The following OTUD7A variants were observed in gnomAD, a reference collection of about 807,000 sequenced individuals.
The protein encoded by OTUD7A is OTU deubiquitinase 7A.
Under a neutral mutation model 65.7 loss-of-function variants are expected in OTUD7A, and 12 were observed. That is an observed-to-expected ratio of 0.18 (90% CI 0.12 to 0.30). OTUD7A has a LOEUF of 0.30. Among genes scored for constraint, OTUD7A ranks in the 10% least tolerant of loss-of-function variants. OTUD7A has a pLI of 1.00. For synonymous variants in OTUD7A, 641 were observed against 586.3 expected (o/e 1.09, Z -1.35); for missense variants, 1,148 against 1,304.8 (o/e 0.88, Z 1.85).
At chr15:31,534,268 C>A (rs974411887) in intron 5 of OTUD7A, among the ~76,000 whole-genome samples, 2 of 152,128 alleles carry the variant, frequency 1.3e-5, no homozygotes, top group African/African-American at 4.8e-5. Context: ...GAAAATCAAT[C>A]AATATAATTC....
intron 1 of OTUD7A, among the ~76,000 whole-genome samples, chr15:31,807,995 A>G (rs1393678502): frequency 2.0e-5 from 3 of 151,984 alleles, no homozygotes; most frequent in African/African-American, 7.3e-5. Context: ...AGTTGAAGTT[A>G]GCGACACTCA....
intron 1 of OTUD7A, among the ~76,000 whole-genome samples, chr15:31,683,017 T>A (rs1411769948): frequency 6.6e-6 from 1 of 152,192 alleles, no homozygotes; most frequent in Non-Finnish European, 1.5e-5. Context: ...TACTTGGAAG[T>A]TTCCAGACCA....
chr15:31,630,485 A>C (rs1420087327), intron 3 of OTUD7A, among the ~76,000 whole-genome samples: 8 of 152,128 alleles, frequency 5.3e-5, no homozygotes, highest in Non-Finnish European at 8.8e-5. Context: ...GTTCTTTTAC[A>C]TTTGCTGAGG....
intron 1 of OTUD7A, chr15:31,765,932 A>C: frequency 7.6e-7 from 1 of 1,316,836 alleles, no homozygotes; most frequent in South Asian, 1.2e-5. Flanking sequence ...TCCTGTTTTT[A>C]ACAATATTTT....
intron 1 of OTUD7A, among the ~76,000 whole-genome samples, chr15:31,806,908 T>C (rs1282244806): frequency 2.6e-5 from 4 of 152,182 alleles, no homozygotes. Flanking sequence ...AGCAGACACA[T>C]AGTGCCCTGA....
intron 3 of OTUD7A, among the ~76,000 whole-genome samples, chr15:31,586,810 G>A (rs1252548759): frequency 6.6e-6 from 1 of 152,000 alleles, no homozygotes; most frequent in African/African-American, 2.4e-5. Context: ...CATCTGGGAT[G>A]CCACATTCCC....
chr15:31,607,901 AT>A (rs1890282858), intron 3 of OTUD7A, among the ~76,000 whole-genome samples: 1 of 152,236 alleles, frequency 6.6e-6, no homozygotes. Flanking sequence ...GTATCTCATC[AT>A]TAAGTGATGC....
At chr15:31,537,580 T>C (rs1328298023) in intron 5 of OTUD7A, among the ~76,000 whole-genome samples, 2 of 152,216 alleles carry the variant, frequency 1.3e-5, no homozygotes, top group Non-Finnish European at 2.9e-5. Flanking sequence ...TCTTTGTCTC[T>C]AGGCTGTGAA....
intron 1 of OTUD7A, among the ~76,000 whole-genome samples, chr15:31,812,731 A>G (rs1360912369): frequency 6.6e-6 from 1 of 152,102 alleles, no homozygotes. Flanking sequence ...AAATAGTGTC[A>G]CCCTTCAGAA....
At chr15:31,538,078 G>A (rs2141131598) in intron 5 of OTUD7A, among the ~76,000 whole-genome samples, 1 of 152,326 alleles carries the variant, frequency 6.6e-6, no homozygotes, top group African/African-American at 2.4e-5. Context: ...CCTTGCCATG[G>A]ACTGCTGTCG....
chr15:31,781,929 T>C (rs899068620), intron 1 of OTUD7A, among the ~76,000 whole-genome samples: 2 of 152,244 alleles, frequency 1.3e-5, no homozygotes, highest in African/African-American at 2.4e-5. Flanking sequence ...AGGATCTTGG[T>C]GATACTGCCA....
chr15:31,502,350 C>A (rs1358483744), intron 9 of OTUD7A, among the ~76,000 whole-genome samples: 1 of 152,178 alleles, frequency 6.6e-6, no homozygotes, highest in Non-Finnish European at 1.5e-5. Flanking sequence ...CAATTTCACT[C>A]ATTTTCTTAC....
rs943183543 is a variant in OTUD7A at position 31,601,428 on chromosome 15, G to A, written c.152-31231C>T. 6.6e-5 allele frequency among the ~76,000 whole-genome samples: 10 copies of A among 151,916 alleles called. No individual in the cohort carries two copies. In the East Asian group the frequency reaches 1.7e-3, roughly 26 times the overall value. On this transcript the variant is annotated intron_variant, in intron 3 of 12. Coordinates refer to ENST00000307050, the MANE Select transcript of OTUD7A (RefSeq NM_001382637.1). ...TGAAACCAATGAGAACAGACGCAACGTACCAGAATCTCTGGGACACATTTA... is the reference window on the plus strand; with the variant it reads ...TGAAACCAATGAGAACAGACGCAACATACCAGAATCTCTGGGACACATTTA...
At chr15:31,660,720 G>A (rs1454654217) in intron 1 of OTUD7A, among the ~76,000 whole-genome samples, 5 of 152,252 alleles carry the variant, frequency 3.3e-5, no homozygotes, top group East Asian at 1.9e-4. Flanking sequence ...GCCAGACAGC[G>A]ACAGATAGGG....
At chr15:31,561,943 C>T (rs1416602415) in intron 4 of OTUD7A, among the ~76,000 whole-genome samples, 1 of 152,180 alleles carries the variant, frequency 6.6e-6, no homozygotes, top group Non-Finnish European at 1.5e-5. Context: ...AAACATAGTA[C>T]AAGAATGTAC....
intron 1 of OTUD7A, among the ~76,000 whole-genome samples, chr15:31,782,769 TC>T (rs1344986682): frequency 6.6e-6 from 1 of 152,158 alleles, no homozygotes; most frequent in East Asian, 1.9e-4. Context: ...CTTCAAATTT[TC>T]TGATTATCTC....
intron 8 of OTUD7A, among the ~76,000 whole-genome samples, chr15:31,508,254 T>A (rs1453157529): frequency 6.6e-6 from 1 of 152,222 alleles, no homozygotes; most frequent in Non-Finnish European, 1.5e-5. Flanking sequence ...TGGGTCCTTT[T>A]TTTCTTGGCT....
chr15:31,827,490 G>A (rs961856168), intron 1 of OTUD7A, among the ~76,000 whole-genome samples: 1 of 152,172 alleles, frequency 6.6e-6, no homozygotes, highest in Non-Finnish European at 1.5e-5. Context: ...ATGAGATTTG[G>A]GTGGGGACAC....
intron 1 of OTUD7A, among the ~76,000 whole-genome samples, chr15:31,664,036 G>A (rs570028288): frequency 1.8e-4 from 28 of 152,234 alleles, no homozygotes; most frequent in African/African-American, 6.7e-4. Context: ...GTATTCCATT[G>A]TATAAATATA....
Sources: allele counts gnomAD v4.1 joint callset (sites outside exome capture counted in the v4.1 genomes callset), GRCh38; gene constraint gnomAD v4.1.1; transcripts MANE v1.5; gene names NCBI Gene and HGNC (gene_info 2026-07-23, HGNC 2026-07-21).